The following VIL1 variants were observed in gnomAD, a reference collection of about 807,000 sequenced individuals.
VIL1 encodes the protein villin-1.
VIL1 carries 86 observed loss-of-function variants against 104.0 expected under a neutral mutation model. The ratio of observed to expected loss-of-function variants is 0.83; its 90% CI spans 0.69 to 0.99. VIL1 has a LOEUF of 0.99. VIL1 is among the 50% of genes least tolerant of loss of function. VIL1 has a pLI of 0.00. For synonymous variants in VIL1, 394 were observed against 412.6 expected (o/e 0.95, Z 0.55); for missense variants, 944 against 1,054.1 (o/e 0.90, Z 1.45).
rs148340175 is a variant in VIL1, at chr2:218,438,727, G to A, written c.2229+1G>A. 6.6e-5 allele frequency: 106 copies of A among 1,610,364 alleles called. 1 individual carries two copies. The African/African-American group carries it at 1.0e-3, about 16-fold the overall frequency. ...TAGGGACTGGAGCCAGATCACTGCT[G>A]TGAGTCCGGGGCGGGGTGGCTGGGC... is the stretch of plus-strand genomic sequence containing the variant. On this transcript the variant is annotated splice_donor_variant, in intron 18 of 19. Coordinates refer to ENST00000248444, the MANE Select transcript of VIL1 (RefSeq NM_007127.3). LOFTEE classifies it high-confidence loss of function.
intron 19 of VIL1, among the ~76,000 whole-genome samples, chr2:218,443,800 G>A (rs1333693451): frequency 6.6e-6 from 1 of 151,734 alleles, no homozygotes; most frequent in African/African-American, 2.4e-5. Flanking sequence ...GACTACAGGC[G>A]CACACCATCA....
At position 218,429,347 on chromosome 2, in the gene VIL1, G is replaced by C. The variant is rs1296388234; in HGVS notation, c.630G>C (p.Val210=). ...QERGGRTYVG[V]VDGENELASP... is the part of the protein sequence containing the mutation. ...GGGGAGGGCGCACCTATGTAGGCGT[G>C]GTGGACGGAGAGAATGAATTGGCAT... The change falls in exon 7 of 20, where the codon GTG becomes GTC. Residue 210 remains valine (V), a synonymous_variant. Transcript: ENST00000248444. 6.2e-7 allele frequency: 1 copy of C among 1,614,156 alleles called. No individual in the cohort carries two copies. The highest frequency in any genetic ancestry group is 1.7e-5 in the Admixed American group (1 of 60,020).
intron 19 of VIL1, among the ~76,000 whole-genome samples, chr2:218,448,025 C>T (rs1334252364): frequency 6.6e-6 from 1 of 152,128 alleles, no homozygotes; most frequent in Non-Finnish European, 1.5e-5. Context: ...TTTGGGAGGC[C>T]AAGACGGGTG....
In VIL1 at chr2:218,429,449, G is replaced by A; in HGVS notation, c.732G>A (p.Val244=). The A allele has an allele frequency of 6.2e-7, 1 of 1,614,002 alleles. No individual in the cohort carries two copies. The highest frequency in any genetic ancestry group is 8.5e-7 in the Non-Finnish European group (1 of 1,179,998). Reference sequence around the variant, plus strand: ...TGAAGGCGGCCGTGCCCGACACGGTGGTGGAGCCGGCACTCAAGGCTGCAC... The same window carrying A: ...TGAAGGCGGCCGTGCCCGACACGGTAGTGGAGCCGGCACTCAAGGCTGCAC... ...RELKAAVPDT[V]VEPALKAALK... is the part of the protein sequence containing the mutation. The change falls in exon 7 of 20, where the codon GTG becomes GTA. Residue 244 remains valine (V), a synonymous_variant. Coordinates refer to ENST00000248444, the MANE Select transcript of VIL1 (RefSeq NM_007127.3).
Position 218,421,002 on chromosome 2 carries a change from G to A in VIL1, c.-12+1834G>A, listed in dbSNP as rs79056549. Among the ~76,000 whole-genome samples, 1,108 of 152,286 alleles carry A rather than the reference G, an allele frequency of 7.3e-3. 18 individuals are homozygous for A. Among genetic ancestry groups the A allele is most frequent in the African/African-American group, 0.025 (1,040 of 41,558 alleles). Reference sequence around the variant, plus strand: ...TACAAACAGGTTATTTCATCACCATGTGGTCAGGGGGCCAAGAGAAGGGAC... The same window carrying A: ...TACAAACAGGTTATTTCATCACCATATGGTCAGGGGGCCAAGAGAAGGGAC... On this transcript the variant is annotated intron_variant, in intron 1 of 19. Transcript: ENST00000248444.
chr2:218,428,958 G>A (rs895822776), intron 6 of VIL1, among the ~76,000 whole-genome samples: 1 of 152,110 alleles, frequency 6.6e-6, no homozygotes, highest in East Asian at 1.9e-4. Context: ...GCATGAACAT[G>A]ATTGAGTACT....
intron 9 of VIL1, 107 bp from the exon 10 acceptor site, chr2:218,430,618 G>C: frequency 7.1e-7 from 1 of 1,417,262 alleles, no homozygotes; most frequent in East Asian, 2.4e-5. Context: ...TTGGTGCCGG[G>C]GTAGATCTGA....
intron 19 of VIL1, among the ~76,000 whole-genome samples, chr2:218,441,152 G>T (rs565601422): frequency 6.6e-6 from 1 of 152,288 alleles, no homozygotes; most frequent in East Asian, 1.9e-4. Context: ...ACTTTGGGAG[G>T]CCGAGGTGGG....
At chr2:218,432,255 G>A in intron 12 of VIL1, 72 bp downstream of exon 12, 3 of 1,562,856 alleles carry the variant, frequency 1.9e-6, no homozygotes, top group Admixed American at 1.8e-5. Flanking sequence ...CTGCTAAGTG[G>A]CCATCACCCT....
In VIL1 at chr2:218,429,184, G is replaced by C; in HGVS notation, c.568-101G>C. The stretch of plus-strand genomic sequence containing the variant: ...CAGGGCAGGGGTCTCAACCCCTGTG[G>C]CTGCTGTAGGTGGTCTGGGCTTGCC... On this transcript the variant is annotated intron_variant, in intron 6 of 19. Transcript: ENST00000248444. 6 of 1,351,214 alleles carry C rather than the reference G, an allele frequency of 4.4e-6. No individual in the cohort carries two copies. The South Asian group carries it at 6.8e-5, about 15-fold the overall frequency. 83.7% of individuals were successfully genotyped at this position (1,351,214 alleles called of 1,614,324 possible). A position where few individuals can be genotyped will look rare whatever the true frequency, so the allele number is the denominator to read the frequency against.
At chr2:218,448,292 T>C (rs531655317) in intron 19 of VIL1, among the ~76,000 whole-genome samples, 3 of 151,760 alleles carry the variant, frequency 2.0e-5, no homozygotes, top group Admixed American at 2.0e-4. Context: ...TGGCCAGGCA[T>C]GGTGGCTCAT....
At chr2:218,423,293 G>A (rs1358132960) in intron 1 of VIL1, among the ~76,000 whole-genome samples, 1 of 152,222 alleles carries the variant, frequency 6.6e-6, no homozygotes, top group Non-Finnish European at 1.5e-5. Flanking sequence ...TATGCGGGAG[G>A]TTGAGGTAGG....
At chr2:218,441,673 A>C (rs1230748730) in intron 19 of VIL1, among the ~76,000 whole-genome samples, 1 of 152,002 alleles carries the variant, frequency 6.6e-6, no homozygotes, top group Non-Finnish European at 1.5e-5. Context: ...GAGTATCATT[A>C]TGGTTGAAGT....
Position 218,453,023 on chromosome 2 carries a change from T to C in VIL1, c.*3687T>C, listed in dbSNP as rs1035130517. 1 of 152,232 alleles carries C rather than the reference T, an allele frequency of 6.6e-6. No individual in the cohort carries two copies. The highest frequency in any genetic ancestry group is 2.4e-5 in the African/African-American group (1 of 41,452). The allele number at this position is 152,232 out of a possible 1,614,324, so 9.4% of individuals were successfully genotyped here. A position where few individuals can be genotyped will look rare whatever the true frequency, so the allele number is the denominator to read the frequency against. On this transcript the variant is annotated 3_prime_UTR_variant, in exon 20 of 20. Transcript: ENST00000248444. ...ACTACTCTGGCGTTTTCTACCACTC[T>C]ACCATTTTGGAACATTCATTACAAT...
Position 218,440,296 on chromosome 2 carries a change from GTC to G in VIL1, c.2230-418_2230-417del, listed in dbSNP as rs745791568. Among the ~76,000 whole-genome samples, 3 of 152,264 alleles carry G rather than the reference GTC, an allele frequency of 2.0e-5. No individual in the cohort carries two copies. The East Asian group carries it at 5.8e-4, about 29-fold the overall frequency. ...GTTGTTGTTGTTGTTGTTTTGAGGA[GTC>G]TCTCTCTGTTGCCCAGGCTGAAGTG... On this transcript the variant is annotated intron_variant, in intron 18 of 19. Transcript: ENST00000248444.
At chr2:218,425,858 G>C (rs746412152) in intron 4 of VIL1, 47 bp downstream of exon 4, 2 of 1,553,650 alleles carry the variant, frequency 1.3e-6, no homozygotes, top group East Asian at 2.3e-5. Context: ...TGAGTGGTAG[G>C]GATAGAGATG....
intron 19 of VIL1, among the ~76,000 whole-genome samples, chr2:218,445,011 C>T (rs986149891): frequency 4.6e-5 from 7 of 152,092 alleles, no homozygotes; most frequent in African/African-American, 1.7e-4. Context: ...CTGTGAGGAA[C>T]CTGGGGGGAG....
intron 3 of VIL1, 38 bp from the exon 4 acceptor site, chr2:218,425,577 G>A: frequency 1.2e-6 from 2 of 1,607,484 alleles, no homozygotes; most frequent in Non-Finnish European, 1.7e-6. Context: ...GGCTGTGGGA[G>A]CCCAGGGTCT....
Position 218,424,750 on chromosome 2 carries a change from G to A in VIL1, c.150+399G>A, listed in dbSNP as rs545947629. ...CGGCTCACTGCAACCTCCACTTCCC[G>A]GGTTCAAGCGATTCTCCTGCCTCAG... On this transcript the variant is annotated intron_variant, in intron 3 of 19. Coordinates refer to ENST00000248444, the MANE Select transcript of VIL1 (RefSeq NM_007127.3). Among the ~76,000 whole-genome samples the A allele has an allele frequency of 2.4e-3, 366 of 152,172 alleles. 1 individual carries two copies. The highest frequency in any genetic ancestry group is 8.0e-3 in the African/African-American group (334 of 41,520).
Sources: allele counts gnomAD v4.1 joint callset (sites outside exome capture counted in the v4.1 genomes callset), GRCh38; gene constraint gnomAD v4.1.1; transcripts MANE v1.5; gene names NCBI Gene and HGNC (gene_info 2026-07-23, HGNC 2026-07-21).